TRPM6: variants seen among roughly 807,000 people sequenced by gnomAD.
TRPM6 encodes transient receptor potential cation channel subfamily M member 6.
Under a neutral mutation model 247.6 loss-of-function variants are expected in TRPM6, and 111 were observed. That is an observed-to-expected ratio of 0.45 (90% CI 0.38 to 0.52). TRPM6 has a LOEUF of 0.52. Among genes scored for constraint, TRPM6 ranks in the 20% least tolerant of loss-of-function variants. TRPM6 has a pLI of 0.00. For synonymous variants in TRPM6, 892 were observed against 853.8 expected (o/e 1.04, Z -0.78); for missense variants, 2,126 against 2,421.5 (o/e 0.88, Z 2.56).
At chr9:74,778,492 T>C (rs1182960352) in intron 23 of TRPM6, among the ~76,000 whole-genome samples, 1 of 152,158 alleles carries the variant, frequency 6.6e-6, no homozygotes, top group Admixed American at 6.5e-5. Context: ...GCCTCCATAA[T>C]AGGCAGGAGA....
chr9:74,821,715 C>T lies in TRPM6; in HGVS notation c.964G>A (p.Ala322Thr). The T allele has an allele frequency of 6.2e-7, 1 of 1,614,196 alleles. No individual in the cohort carries two copies. Among genetic ancestry groups the T allele is most frequent in the Non-Finnish European group, 8.5e-7 (1 of 1,180,024 alleles). Residue 322 changes from alanine to threonine, a missense_variant, in exon 8 of 39, where the codon GCG becomes ACG. By Grantham distance (58) the Ala-to-Thr change is moderately conservative. This residue lies in a region of TRPM6 where 1,082 missense variants were observed against 1,307.9 expected (regional missense o/e 0.83). Transcript: ENST00000360774. ...TGTGTGAAGGCCAGGAGGTCAGCCGCCCTACCTGTGCCCTCACACACCACC... is the reference window on the plus strand; with the variant it reads ...TGTGTGAAGGCCAGGAGGTCAGCCGTCCTACCTGTGCCCTCACACACCACC... ...PVVVCEGTGRAADLLAFTHKH... is the reference protein window; with the variant it reads ...PVVVCEGTGRTADLLAFTHKH...
chr9:74,799,052 C>CT (rs1216160064), intron 17 of TRPM6, among the ~76,000 whole-genome samples: 41 of 152,350 alleles, frequency 2.7e-4, no homozygotes, highest in African/African-American at 9.4e-4. Context: ...ATTCACATCT[C>CT]TGATTCCTCA....
intron 3 of TRPM6, among the ~76,000 whole-genome samples, chr9:74,852,479 CTCTCCG>C (rs1192577714): frequency 0.033 from 4,417 of 134,924 alleles, 239 homozygotes; most frequent in African/African-American, 0.11. Context: ...CTCCCTCTCC[CTCTCCG>C]TCTCCGTCTC....
intron 17 of TRPM6, among the ~76,000 whole-genome samples, chr9:74,797,451 C>G (rs2118990047): frequency 6.6e-6 from 1 of 152,228 alleles, no homozygotes; most frequent in Middle Eastern, 3.4e-3. Flanking sequence ...TAAAGCATCT[C>G]TAAATTACTT....
intron 7 of TRPM6, among the ~76,000 whole-genome samples, chr9:74,822,820 A>C (rs1829178373): frequency 6.6e-6 from 1 of 152,156 alleles, no homozygotes; most frequent in South Asian, 2.1e-4. Flanking sequence ...TAATATGCAC[A>C]GTATTATCCT....
chr9:74,734,815 C>T (rs573619147), intron 36 of TRPM6, among the ~76,000 whole-genome samples: 20 of 152,172 alleles, frequency 1.3e-4, no homozygotes, highest in African/African-American at 4.6e-4. Context: ...TAAAGAGTAT[C>T]CACAAAACTT....
intron 3 of TRPM6, among the ~76,000 whole-genome samples, chr9:74,843,484 C>G (rs1051259892): frequency 6.6e-6 from 1 of 152,236 alleles, no homozygotes; most frequent in South Asian, 2.1e-4. Context: ...CCTACAGCAG[C>G]TAAAGTCATA....
intron 3 of TRPM6, among the ~76,000 whole-genome samples, chr9:74,851,266 A>C (rs1253108700): frequency 1.3e-5 from 2 of 152,164 alleles, no homozygotes; most frequent in African/African-American, 4.8e-5. Flanking sequence ...TATAAATGTC[A>C]ATTCCAGGAG....
At chr9:74,734,148 T>C (rs1173672179) in intron 36 of TRPM6, among the ~76,000 whole-genome samples, 1 of 152,222 alleles carries the variant, frequency 6.6e-6, no homozygotes, top group Non-Finnish European at 1.5e-5. Flanking sequence ...GTGAGGAGGC[T>C]GATTTCCACT....
chr9:74,870,149 T>A (rs1261629198), intron 1 of TRPM6, among the ~76,000 whole-genome samples: 1 of 152,036 alleles, frequency 6.6e-6, no homozygotes, highest in Non-Finnish European at 1.5e-5. Context: ...ACAAAGCATA[T>A]GAAATCCTCT....
chr9:74,865,028 G>A (rs1345469465), intron 1 of TRPM6, among the ~76,000 whole-genome samples: 7 of 150,838 alleles, frequency 4.6e-5, no homozygotes, highest in Non-Finnish European at 1.0e-4. Flanking sequence ...GGCTGAGATC[G>A]TGCCACTGCA....
At chr9:74,871,831 GACCAT>G (rs1244716029) in intron 1 of TRPM6, among the ~76,000 whole-genome samples, 2 of 150,734 alleles carry the variant, frequency 1.3e-5, no homozygotes, top group Non-Finnish European at 3.0e-5. Context: ...AAGCATGTGC[GACCAT>G]ACCCAACTCA....
At chr9:74,822,022 A>C (rs1369640523) in intron 7 of TRPM6, among the ~76,000 whole-genome samples, 185 bp from the exon 8 acceptor site, 2 of 152,194 alleles carry the variant, frequency 1.3e-5, no homozygotes, top group African/African-American at 4.8e-5. Context: ...CTTCAAATAA[A>C]ATGTGGCATA....
intron 6 of TRPM6, among the ~76,000 whole-genome samples, chr9:74,832,877 C>A (rs577149370): frequency 6.6e-6 from 1 of 152,026 alleles, no homozygotes. Flanking sequence ...ATGGTGAAAC[C>A]CTGTCTCTAC....
In TRPM6 at chr9:74,792,699, C is replaced by T. The variant is rs1827949450; in HGVS notation, c.2463G>A (p.Gly821=). 1 of 1,613,660 alleles carries T rather than the reference C, an allele frequency of 6.2e-7. No homozygotes were observed. Among genetic ancestry groups the T allele is most frequent in the Non-Finnish European group, 8.5e-7 (1 of 1,179,558 alleles). Residue 821 remains glycine (G), a synonymous_variant, in exon 19 of 39, where the codon GGG becomes GGA. Transcript: ENST00000360774. ...DENQHFGLES[G]HQHLPWTRKV... ...TCCTGGTCCACGGAAGGTGTTGGTG[C>T]CCACTTTCCAAACCAAAATGCTGAT...
chr9:74,801,243 A>ATTTTT (rs59490187), intron 16 of TRPM6, among the ~76,000 whole-genome samples: 13 of 85,290 alleles, frequency 1.5e-4, no homozygotes, highest in African/African-American at 2.6e-4. Flanking sequence ...AAGCCTGGGA[A>ATTTTT]TTTTTTTTTT....
intron 25 of TRPM6, among the ~76,000 whole-genome samples, chr9:74,768,308 C>T (rs1826896613): frequency 1.3e-5 from 2 of 152,330 alleles, no homozygotes; most frequent in South Asian, 4.1e-4. Flanking sequence ...CTCACTCTTG[C>T]TTCCTGGGCA....
chr9:74,837,542 GTT>G, intron 5 of TRPM6, among the ~76,000 whole-genome samples: 1 of 152,182 alleles, frequency 6.6e-6, no homozygotes, highest in East Asian at 1.9e-4. Flanking sequence ...CGCCTCCTGG[GTT>G]CATGCCATTC....
intron 32 of TRPM6, among the ~76,000 whole-genome samples, chr9:74,743,059 C>T (rs902308726): frequency 6.6e-6 from 1 of 152,130 alleles, no homozygotes; most frequent in Non-Finnish European, 1.5e-5. Flanking sequence ...AGCCGAAGAC[C>T]GATTTTAATT....
Sources: allele counts gnomAD v4.1 joint callset (sites outside exome capture counted in the v4.1 genomes callset), GRCh38; gene constraint gnomAD v4.1.1; regional missense constraint gnomAD v4.1.1; transcripts MANE v1.5; gene names NCBI Gene and HGNC (gene_info 2026-07-23, HGNC 2026-07-21).